The following ZNF667 variants were observed in gnomAD, a reference collection of about 807,000 sequenced individuals.
ZNF667 encodes the protein myocardial ischemic preconditioning upregulated 1 ortholog.
Under a neutral mutation model 31.8 loss-of-function variants are expected in ZNF667, and 13 were observed. The ratio of observed to expected loss-of-function variants is 0.41; its 90% CI spans 0.27 to 0.65. The LOEUF (loss-of-function observed/expected upper bound fraction) is 0.65. ZNF667 is among the 30% of genes least tolerant of loss of function. The pLI, the probability that ZNF667 is intolerant of heterozygous loss-of-function variation, is 0.32. For synonymous variants in ZNF667, 228 were observed against 247.1 expected (o/e 0.92, Z 0.73); for missense variants, 642 against 725.6 (o/e 0.88, Z 1.32).
chr19:56,451,890 A>AC lies in ZNF667; in HGVS notation c.253+6264_253+6265insG, dbSNP rs1438689959. 1.3e-4 allele frequency among the ~76,000 whole-genome samples: 15 copies of AC among 117,832 alleles called. No homozygotes were observed. In the East Asian group the frequency reaches 3.1e-3, roughly 24 times the overall value. 77.3% of individuals were successfully genotyped at this position (117,832 alleles called of 152,430 possible). ...TCTCAAAAAAAAAAAAAAAAAAAAA[A>AC]AAAAAAAAACTTTCAAATTGAAATC... On this transcript the variant is annotated intron_variant, in intron 6 of 6. Coordinates refer to ENST00000504904, the MANE Select transcript of ZNF667 (RefSeq NM_001321356.2).
intron 3 of ZNF667, among the ~76,000 whole-genome samples, chr19:56,467,246 A>G (rs2043182818): frequency 6.6e-6 from 1 of 152,082 alleles, no homozygotes; most frequent in Non-Finnish European, 1.5e-5. Context: ...GGTAGACCAG[A>G]GTTATGGCCA....
chr19:56,456,363 C>T (rs944293295), intron 6 of ZNF667, among the ~76,000 whole-genome samples: 1 of 152,204 alleles, frequency 6.6e-6, no homozygotes, highest in African/African-American at 2.4e-5. Flanking sequence ...AAACTGGTCA[C>T]AGCTTTCAGG....
chr19:56,457,025 G>C (rs1321076024), intron 6 of ZNF667, among the ~76,000 whole-genome samples: 1 of 152,060 alleles, frequency 6.6e-6, no homozygotes, highest in Non-Finnish European at 1.5e-5. Flanking sequence ...GACGCTCGAG[G>C]TGGTGCCGTT....
chr19:56,441,326 A>T lies in ZNF667; in HGVS notation c.1669T>A (p.Cys557Ser). 1 of 1,614,196 alleles carries T rather than the reference A, an allele frequency of 6.2e-7. No homozygotes were observed. Among genetic ancestry groups the T allele is most frequent in the South Asian group, 1.1e-5 (1 of 91,090 alleles). The change falls in exon 7 of 7, where the codon TGT becomes AGT. Residue 557 changes from cysteine (C) to serine (S), a missense_variant. By Grantham distance (112) the Cys-to-Ser change is moderately radical. Transcript: ENST00000504904. The surrounding 1 kb of genome is among the most constrained non-coding windows in gnomAD (Gnocchi z 4.2). ...RSHTGEKPYE[C>S]NECGKAFSSG... ...CTAAATGCCTTCCCACATTCATTAC[A>T]TTCATAGGGTTTCTCTCCAGTATGA...
chr19:56,465,224 A>G (rs1212928902), intron 3 of ZNF667, among the ~76,000 whole-genome samples: 2 of 152,238 alleles, frequency 1.3e-5, no homozygotes, highest in East Asian at 3.9e-4. Flanking sequence ...AGCAGGACAC[A>G]GCCTGGAAAA....
At position 56,462,323 on chromosome 19, in the gene ZNF667, G is replaced by C. The variant is rs373680692; in HGVS notation, c.33+15C>G. 7 of 1,614,078 alleles carry C rather than the reference G, an allele frequency of 4.3e-6. No homozygotes were observed. Among genetic ancestry groups the C allele is most frequent in the Non-Finnish European group, 5.1e-6 (6 of 1,180,024 alleles). On this transcript the variant is annotated intron_variant, in intron 4 of 6. Transcript: ENST00000504904. ...ACGATGGGGTGTTCCGGAAGGAAGA[G>C]GAATTGCCACTTACCTTGGATTTGG...
rs202190760 is a variant in ZNF667 at position 56,442,059 on chromosome 19, C to T, written c.936G>A (p.Ala312=). 208 of 1,613,952 alleles carry T rather than the reference C, an allele frequency of 1.3e-4. No homozygotes were observed. The highest frequency in any genetic ancestry group is 1.6e-4 in the Non-Finnish European group (188 of 1,180,018). ...GCTGTAGACTCTGACTTAAGGCCTT[C>T]GCATTTTCAGGGATTTTCTCTCCAG... The part of the protein sequence containing the change: ...IHAGEKIPEN[A]KALSQSLQQR... The change falls in exon 7 of 7, where the codon GCG becomes GCA. Residue 312 remains alanine (A), a synonymous_variant. Coordinates refer to ENST00000504904, the MANE Select transcript of ZNF667 (RefSeq NM_001321356.2).
At chr19:56,473,902 A>G (rs1437390317) in intron 2 of ZNF667, 110 bp downstream of exon 2, 2 of 152,260 alleles carry the variant, frequency 1.3e-5, no homozygotes, top group Admixed American at 1.3e-4. Flanking sequence ...ACCAGGTTAT[A>G]TGTGTGAGTA....
intron 6 of ZNF667, among the ~76,000 whole-genome samples, chr19:56,446,285 T>C (rs1475153856): frequency 6.6e-6 from 1 of 152,252 alleles, no homozygotes; most frequent in East Asian, 1.9e-4. Context: ...TCATGAGAAT[T>C]AGAAATAATG....
At chr19:56,453,098 T>C (rs1403499101) in intron 6 of ZNF667, among the ~76,000 whole-genome samples, 2 of 152,138 alleles carry the variant, frequency 1.3e-5, no homozygotes, top group Non-Finnish European at 2.9e-5. Flanking sequence ...ATGAGCAACC[T>C]AGGCCAATAC....
In ZNF667 at chr19:56,469,924, G is replaced by A. The variant is rs368383727; in HGVS notation, c.-60+1775C>T. 6.2e-4 allele frequency: 306 copies of A among 493,468 alleles called. 1 individual carries two copies. Among genetic ancestry groups the A allele is most frequent in the Middle Eastern group, 6.4e-4 (2 of 3,118 alleles). The allele number at this position is 493,468 out of a possible 1,614,324, so 30.6% of individuals were successfully genotyped here. On this transcript the variant is annotated intron_variant, in intron 3 of 6. Coordinates refer to ENST00000504904, the MANE Select transcript of ZNF667 (RefSeq NM_001321356.2). ...GGAGCCTTCCCTCACCCACTAAACC[G>A]GGGTAGGGGTATGCTTCACATGTAT...
intron 3 of ZNF667, among the ~76,000 whole-genome samples, chr19:56,467,273 G>A (rs1459475348): frequency 6.6e-6 from 1 of 152,182 alleles, no homozygotes; most frequent in South Asian, 2.1e-4. Flanking sequence ...CAAAGATATG[G>A]ACATCCTAAT....
intron 6 of ZNF667, among the ~76,000 whole-genome samples, chr19:56,448,248 T>A (rs984157115): frequency 6.6e-6 from 1 of 152,024 alleles, no homozygotes; most frequent in South Asian, 2.1e-4. Flanking sequence ...GAAAGCAACG[T>A]GGGGCAGAAT....
At position 56,442,242 on chromosome 19, in the gene ZNF667, A is replaced by G; in HGVS notation, c.753T>C (p.Asn251=). The change falls in exon 7 of 7, where the codon AAT becomes AAC. Residue 251 remains asparagine (N), a synonymous_variant. Coordinates refer to ENST00000504904, the MANE Select transcript of ZNF667 (RefSeq NM_001321356.2). ...TTCCGCACTTTCTGCACTGGCAGACATTCCCAACAACATGAATTTTCTGAT... is the reference window on the plus strand; with the variant it reads ...TTCCGCACTTTCTGCACTGGCAGACGTTCCCAACAACATGAATTTTCTGAT... ...NIHQKIHVVG[N]VCQCRKCGKA... 3.7e-6 allele frequency: 6 copies of G among 1,614,200 alleles called. No individual in the cohort carries two copies. Among genetic ancestry groups the G allele is most frequent in the Non-Finnish European group, 5.1e-6 (6 of 1,180,030 alleles).
At chr19:56,455,589 A>G (rs1285346324) in intron 6 of ZNF667, among the ~76,000 whole-genome samples, 1 of 152,200 alleles carries the variant, frequency 6.6e-6, no homozygotes, top group Admixed American at 6.5e-5. Context: ...ACTCATGGAT[A>G]TAAGAGAGTA....
At position 56,440,133 on chromosome 19, in the gene ZNF667, T is replaced by C. The variant is rs1313564413; in HGVS notation, c.*1029A>G. The C allele has an allele frequency of 6.6e-6, 1 of 152,210 alleles. No homozygotes were observed. Among genetic ancestry groups the C allele is most frequent in the East Asian group, 1.9e-4 (1 of 5,198 alleles). The allele number at this position is 152,210 out of a possible 1,614,324, so 9.4% of individuals were successfully genotyped here. A position where few individuals can be genotyped will look rare whatever the true frequency, so the allele number is the denominator to read the frequency against. On this transcript the variant is annotated 3_prime_UTR_variant, in exon 7 of 7. Transcript: ENST00000504904. ...TAAACATTCAGTCCATAACAACTCA[T>C]ATTACACCACTTATTGCATACCAGT... is the stretch of plus-strand genomic sequence containing the variant.
At chr19:56,454,009 C>T (rs948641758) in intron 6 of ZNF667, among the ~76,000 whole-genome samples, 6 of 152,052 alleles carry the variant, frequency 3.9e-5, no homozygotes, top group Non-Finnish European at 8.8e-5. Flanking sequence ...ACAAAATCAA[C>T]ATATAAAAAT....
intron 5 of ZNF667, among the ~76,000 whole-genome samples, chr19:56,459,632 G>T (rs761392184): frequency 1.3e-5 from 2 of 152,102 alleles, no homozygotes; most frequent in African/African-American, 2.4e-5. Flanking sequence ...TGCAATTACT[G>T]TCTCTGTGTT....
chr19:56,446,095 G>A (rs957593023), intron 6 of ZNF667, among the ~76,000 whole-genome samples: 1 of 152,194 alleles, frequency 6.6e-6, no homozygotes, highest in Admixed American at 6.5e-5. Flanking sequence ...GATTTTTTCA[G>A]TACATATGTG....
Sources: allele counts gnomAD v4.1 joint callset (sites outside exome capture counted in the v4.1 genomes callset), GRCh38; gene constraint gnomAD v4.1.1; non-coding constraint Gnocchi (gnomAD v3.1); transcripts MANE v1.5; gene names NCBI Gene and HGNC (gene_info 2026-07-23, HGNC 2026-07-21).